Variants in PSTPIP1 observed in about 807,000 individuals in gnomAD.
The protein encoded by PSTPIP1 is proline-serine-threonine phosphatase interacting protein 1, also known as proline-serine-threonine phosphatase-interacting protein 1.
PSTPIP1 carries 66 observed loss-of-function variants against 69.6 expected under a neutral mutation model. That is an observed-to-expected ratio of 0.95 (90% CI 0.78 to 1.16). PSTPIP1 has a LOEUF of 1.16. Ranked by LOEUF, PSTPIP1 falls within the 50% of genes most tolerant of loss-of-function variation. The pLI is 0.00. For synonymous variants in PSTPIP1, 266 were observed against 222.7 expected (o/e 1.19, Z -1.73); for missense variants, 603 against 557.4 (o/e 1.08, Z -0.82).
At chr15:77,029,099 C>T (rs1359934055) in intron 7 of PSTPIP1, among the ~76,000 whole-genome samples, 1 of 152,210 alleles carries the variant, frequency 6.6e-6, no homozygotes, top group Non-Finnish European at 1.5e-5. Flanking sequence ...ATGCTGTGGC[C>T]CCTAGGCCAG....
At chr15:77,030,926 C>T (rs188176145) in intron 9 of PSTPIP1, among the ~76,000 whole-genome samples, 1 of 152,372 alleles carries the variant, frequency 6.6e-6, no homozygotes, top group Admixed American at 6.5e-5. Flanking sequence ...CCTCTCACTA[C>T]CCTTCTGCCT....
intron 4 of PSTPIP1, 31 bp from the exon 5 acceptor site, chr15:77,025,467 C>T (rs376289639): frequency 1.3e-5 from 21 of 1,578,042 alleles, no homozygotes; most frequent in Admixed American, 1.9e-5. Context: ...AGATCTGACA[C>T]TGGGGACCAG....
chr15:77,013,902 A>T (rs2075996118), intron 1 of PSTPIP1, among the ~76,000 whole-genome samples: 1 of 152,078 alleles, frequency 6.6e-6, no homozygotes, highest in African/African-American at 2.4e-5. Flanking sequence ...TTTAAATGGA[A>T]CCTCTGGTGG....
intron 11 of PSTPIP1, 22 bp from the exon 12 acceptor site, chr15:77,032,840 G>A (rs2076454308): frequency 1.3e-6 from 2 of 1,551,450 alleles, no homozygotes; most frequent in African/African-American, 2.7e-5. Context: ...CCGCCCTGGG[G>A]CTCACGGCTT....
intron 8 of PSTPIP1, 23 bp downstream of exon 8, chr15:77,029,597 T>C: frequency 6.4e-7 from 1 of 1,563,484 alleles, no homozygotes; most frequent in Non-Finnish European, 8.7e-7. Flanking sequence ...GGCTGCCCCG[T>C]CCGACCAGGG....
chr15:77,032,298 C>A lies in PSTPIP1; in HGVS notation c.742C>A (p.Leu248Ile). ...LSMQCVKDDELYEEVRLTLEG... is the reference protein window; with the variant it reads ...LSMQCVKDDEIYEEVRLTLEG... ...CGGCCTCTGCTCTTTCCTGCCCCAG[C>A]TCTACGAGGAAGTGCGGCTGACGCT... Residue 248 changes from leucine (L) to isoleucine (I), a missense_variant and splice_region_variant, in exon 11 of 15, where the codon CTC (leucine) becomes ATC (isoleucine). Leu to Ile is a conservative substitution (Grantham distance 5). Transcript: ENST00000558012. 1 of 1,612,366 alleles carries A rather than the reference C, an allele frequency of 6.2e-7. No homozygotes were observed. The highest frequency in any genetic ancestry group is 8.5e-7 in the Non-Finnish European group (1 of 1,179,626).
chr15:77,020,083 G>C (rs1286441125), intron 3 of PSTPIP1, among the ~76,000 whole-genome samples: 1 of 152,192 alleles, frequency 6.6e-6, no homozygotes, highest in African/African-American at 2.4e-5. Flanking sequence ...AGGGGATTGT[G>C]AGTCACAGGG....
At chr15:77,000,458 G>GATAT (rs148680520) in intron 1 of PSTPIP1, among the ~76,000 whole-genome samples, 11,540 of 138,714 alleles carry the variant, frequency 0.083, 663 homozygotes, top group Admixed American at 0.16. Context: ...CATTTAAAGA[G>GATAT]AGATATATAT....
rs557759616 is a variant in PSTPIP1 at position 77,032,303 on chromosome 15, C to G, written c.747C>G (p.Tyr249Ter). 6.2e-7 allele frequency: 1 copy of G among 1,612,428 alleles called. No homozygotes were observed. Among genetic ancestry groups the G allele is most frequent in the East Asian group, 2.2e-5 (1 of 44,884 alleles). The change falls in exon 11 of 15, where the codon TAC becomes TAG. Residue 249 changes from tyrosine to a stop codon, truncating the protein, a stop_gained. Transcript: ENST00000558012. LOFTEE classifies it high-confidence loss of function. The part of the protein sequence containing the change: ...SMQCVKDDEL[Y>*]EEVRLTLEGC... ...TCTGCTCTTTCCTGCCCCAGCTCTA[C>G]GAGGAAGTGCGGCTGACGCTGGAAG...
At position 77,037,255 on chromosome 15, in the gene PSTPIP1, G is replaced by A. The variant is rs2076604411; in HGVS notation, c.*79G>A. The stretch of plus-strand genomic sequence containing the variant: ...CCCAGCACTGTCCCCACCTTGCTAG[G>A]GCCCAGAACCAAGCGTCCCCCAGCC... On this transcript the variant is annotated 3_prime_UTR_variant, in exon 15 of 15. Transcript: ENST00000558012. 6.6e-7 allele frequency: 1 copy of A among 1,515,366 alleles called. No homozygotes were observed. Among genetic ancestry groups the A allele is most frequent in the East Asian group, 2.5e-5 (1 of 40,274 alleles). The allele number at this position is 1,515,366 out of a possible 1,614,324, so 93.9% of individuals were successfully genotyped here.
At position 77,006,684 on chromosome 15, in the gene PSTPIP1, G is replaced by A. The variant is rs114667518; in HGVS notation, c.36+11075G>A. ...CATGTGGATATCCAGTTTTCCCAGC[G>A]CCATTTGTTGAAGTCTGTCCTTTTC... On this transcript the variant is annotated intron_variant, in intron 1 of 14. Transcript: ENST00000558012. Among the ~76,000 whole-genome samples the A allele has an allele frequency of 6.6e-3, 1,004 of 152,236 alleles. 13 individuals are homozygous for A. Among genetic ancestry groups the A allele is most frequent in the African/African-American group, 0.023 (949 of 41,534 alleles).
At chr15:77,018,556 T>G (rs1447847549) in intron 3 of PSTPIP1, 25 bp downstream of exon 3, 1 of 1,539,220 alleles carries the variant, frequency 6.5e-7, no homozygotes, top group African/African-American at 1.4e-5. Context: ...GCCCTGGGGC[T>G]CACTCCTCTC....
At chr15:77,016,671 T>G in intron 1 of PSTPIP1, among the ~76,000 whole-genome samples, 1 of 149,388 alleles carries the variant, frequency 6.7e-6, no homozygotes, top group Admixed American at 6.7e-5. Flanking sequence ...AGAGTCCACC[T>G]GCTGAGGGTG....
At chr15:77,017,186 C>T (rs1321785442) in intron 1 of PSTPIP1, among the ~76,000 whole-genome samples, 2 of 152,088 alleles carry the variant, frequency 1.3e-5, no homozygotes, top group Admixed American at 6.6e-5. Flanking sequence ...ATCCTGGCCC[C>T]GGGACCCACT....
chr15:76,995,124 A>G (rs1467870600), upstream of PSTPIP1: 1 of 1,178,272 alleles, frequency 8.5e-7, no homozygotes, highest in African/African-American at 1.6e-5. Flanking sequence ...GGGAGGTTGC[A>G]CAAACCTTCC....
chr15:76,999,631 A>G (rs1380107961), intron 1 of PSTPIP1: 1 of 152,222 alleles, frequency 6.6e-6, no homozygotes, highest in African/African-American at 2.4e-5. Flanking sequence ...AGGGCTGTCT[A>G]CTAGGTGGTC....
chr15:77,018,364 G>C (rs559111574), intron 2 of PSTPIP1, 93 bp from the exon 3 acceptor site: 2 of 1,537,886 alleles, frequency 1.3e-6, no homozygotes, highest in Admixed American at 2.0e-5. Flanking sequence ...AACACGCCCT[G>C]CTTTAAAAAA....
chr15:77,028,249 G>C (rs2076331482), intron 6 of PSTPIP1: 1 of 496,914 alleles, frequency 2.0e-6, no homozygotes, highest in South Asian at 2.4e-5. Flanking sequence ...CTCCTAAGAG[G>C]GCGCGGCGTG....
At chr15:77,036,455 T>C (rs956350852) in intron 14 of PSTPIP1, among the ~76,000 whole-genome samples, 2 of 152,098 alleles carry the variant, frequency 1.3e-5, no homozygotes, top group East Asian at 1.9e-4. Context: ...CTGATGTCCA[T>C]AGGGTGAGGA....
Sources: allele counts gnomAD v4.1 joint callset (sites outside exome capture counted in the v4.1 genomes callset), GRCh38; gene constraint gnomAD v4.1.1; transcripts MANE v1.5; gene names NCBI Gene and HGNC (gene_info 2026-07-23, HGNC 2026-07-21).